The following FAM153A variants were observed in gnomAD, a reference collection of about 807,000 sequenced individuals.
FAM153A encodes protein FAM153A.
FAM153A carries 12 observed loss-of-function variants against 48.1 expected under a neutral mutation model. That is an observed-to-expected ratio of 0.25 (90% CI 0.16 to 0.40). The LOEUF (loss-of-function observed/expected upper bound fraction) is 0.40, where lower values mean the gene tolerates loss of function less well. Ranked by LOEUF, FAM153A falls within the 10% of genes least tolerant of loss-of-function variation. The probability of loss-of-function intolerance (pLI) is 1.00; values close to 1 mark genes in which losing one functional copy is unlikely to be tolerated. For missense variants in FAM153A, 111 were observed against 345.8 expected, an observed-to-expected ratio of 0.32 and a Z score of 5.38; for synonymous variants, 36 against 118.2, an observed-to-expected ratio of 0.30 and a Z score of 4.51.
At chr5:177,741,320 C>A in exon 7 of FAM153A, 1 of 669,750 alleles carries the variant, frequency 1.5e-6, no homozygotes, top group Non-Finnish European at 2.1e-6. Context: ...GCCCAAGGAG[C>A]CTTCGTCACG....
chr5:177,759,253 CA>C (rs1205151030), intron 1 of FAM153A, among the ~76,000 whole-genome samples: 2 of 151,752 alleles, frequency 1.3e-5, no homozygotes, highest in African/African-American at 2.4e-5. Context: ...AAATGCAAAT[CA>C]AAACCACAAT....
upstream of FAM153A, among the ~76,000 whole-genome samples, chr5:177,756,171 G>A (rs1284808876): frequency 2.0e-5 from 3 of 150,486 alleles, no homozygotes. Flanking sequence ...ACAAAAAAAG[G>A]CAGGGGTTGC....
At position 177,776,598 on chromosome 5, in the gene FAM153A, G is replaced by A. The variant is rs75934749; in HGVS notation, c.-57+3851C>T. On this transcript the variant is annotated intron_variant, in intron 1 of 8. Transcript: ENST00000393518. ...TCAAGAACTACAAACCACTGCTCAA[G>A]GAAATAAAAGAGGACACAAACAAAT... 3.7e-5 allele frequency among the ~76,000 whole-genome samples: 3 copies of A among 81,406 alleles called. 1 individual carries two copies. The highest frequency in any genetic ancestry group is 7.3e-5 in the Non-Finnish European group (3 of 41,258). The allele number at this position is 81,406 out of a possible 152,430, so 53.4% of individuals were successfully genotyped here.
At chr5:177,697,809 CT>C in the FAM153A span, among the ~76,000 whole-genome samples, 1,817 of 151,844 alleles carry the variant, frequency 0.012, 24 homozygotes, top group Non-Finnish European at 0.019. Flanking sequence ...GGGCTGGACA[CT>C]TTTCCTACCT....
rs1582372083 is a variant in FAM153A, at chr5:177,734,714, A to G, written c.735+149T>C. Reference sequence around the variant, plus strand: ...CTCCCACTGTCTTAAATCAAGCCTCAGTGGGGACAGACTCTCACTTACCAT... The same window carrying G: ...CTCCCACTGTCTTAAATCAAGCCTCGGTGGGGACAGACTCTCACTTACCAT... On this transcript the variant is annotated intron_variant, in intron 13 of 20. Coordinates refer to ENST00000614127, the Ensembl canonical transcript of FAM153A. The G allele has an allele frequency of 5.0e-6, 6 of 1,199,288 alleles. No homozygotes were observed. In the South Asian group the frequency reaches 6.0e-5, roughly 12 times the overall value. 74.3% of individuals were successfully genotyped at this position (1,199,288 alleles called of 1,614,324 possible). A position where few individuals can be genotyped will look rare whatever the true frequency, so the allele number is the denominator to read the frequency against.
At chr5:177,715,511 G>T (rs1259847839) in intron 25 of FAM153A, among the ~76,000 whole-genome samples, 1 of 151,448 alleles carries the variant, frequency 6.6e-6, no homozygotes, top group South Asian at 2.1e-4. Context: ...CTGACCTACA[G>T]ATAGGAATTT....
chr5:177,728,193 G>C (rs1447780978), intron 18 of FAM153A, among the ~76,000 whole-genome samples: 4 of 102,320 alleles, frequency 3.9e-5, no homozygotes, highest in African/African-American at 1.5e-4. Context: ...TGTGCCTCTT[G>C]CACTTAAAAG....
chr5:177,696,228 T>C, the FAM153A span, among the ~76,000 whole-genome samples: 21 of 101,418 alleles, frequency 2.1e-4, no homozygotes, highest in South Asian at 3.6e-4. Flanking sequence ...AGATGATGGG[T>C]GGCCGGGCAG....
At chr5:177,705,982 AAAG>A (rs1446165700), downstream of FAM153A, among the ~76,000 whole-genome samples, 2 of 151,644 alleles carry the variant, frequency 1.3e-5, no homozygotes, top group African/African-American at 2.4e-5. Flanking sequence ...CAAAGAAACT[AAAG>A]AAGACCTAAG....
chr5:177,756,189 A>G (rs1314130751), upstream of FAM153A, among the ~76,000 whole-genome samples: 6 of 149,560 alleles, frequency 4.0e-5, no homozygotes, highest in African/African-American at 1.0e-4. Flanking sequence ...TGCAATCCTA[A>G]TCTCTGATAA....
intron 26 of FAM153A, among the ~76,000 whole-genome samples, chr5:177,713,440 G>A (rs950645471): frequency 6.6e-6 from 1 of 150,646 alleles, no homozygotes. Flanking sequence ...TGTATTTTTA[G>A]TAGAGATGGG....
chr5:177,697,017 A>G, the FAM153A span, among the ~76,000 whole-genome samples: 1 of 151,946 alleles, frequency 6.6e-6, no homozygotes, highest in East Asian at 1.9e-4. Flanking sequence ...CATTGAAGCT[A>G]TAGATCAATT....
upstream of FAM153A, among the ~76,000 whole-genome samples, chr5:177,757,690 C>A (rs747558815): frequency 1.3e-5 from 2 of 150,894 alleles, no homozygotes; most frequent in African/African-American, 4.9e-5. Flanking sequence ...AATCAATAAA[C>A]GTAATCCAGC....
At chr5:177,707,398 A>G (rs891476627), downstream of FAM153A, among the ~76,000 whole-genome samples, 2 of 151,888 alleles carry the variant, frequency 1.3e-5, no homozygotes, top group Non-Finnish European at 2.9e-5. Flanking sequence ...AATAATGGTA[A>G]TGGTCAGTGA....
At chr5:177,699,856 A>T in the FAM153A span, among the ~76,000 whole-genome samples, 1 of 151,352 alleles carries the variant, frequency 6.6e-6, no homozygotes, top group Non-Finnish European at 1.5e-5. Context: ...AACTCCTTCT[A>T]TGAGGCTAGT....
intron 25 of FAM153A, among the ~76,000 whole-genome samples, chr5:177,715,749 C>A (rs1759601480): frequency 6.6e-6 from 1 of 151,712 alleles, no homozygotes; most frequent in Admixed American, 6.6e-5. Context: ...TGTCATCCAG[C>A]CTGGAGTGCA....
chr5:177,709,698 T>C (rs1226321031), downstream of FAM153A, among the ~76,000 whole-genome samples: 1 of 134,610 alleles, frequency 7.4e-6, no homozygotes, highest in Non-Finnish European at 1.6e-5. Flanking sequence ...TTGACCAAGT[T>C]TTGCTCTTGT....
chr5:177,700,154 T>TA, the FAM153A span, among the ~76,000 whole-genome samples: 1 of 151,848 alleles, frequency 6.6e-6, no homozygotes. Flanking sequence ...AAATTCAAAA[T>TA]AAAAACAATG....
chr5:177,737,286 T>C (rs564498067), intron 10 of FAM153A, among the ~76,000 whole-genome samples, 174 bp from the exon 13 acceptor site: 7 of 151,700 alleles, frequency 4.6e-5, no homozygotes, highest in African/African-American at 9.7e-5. Context: ...AAGGAAGGCA[T>C]CAGGAAGGCC....
Sources: gnomAD v4.1 joint callset for allele counts (sites outside exome capture counted in the v4.1 genomes callset) on GRCh38, gnomAD v4.1.1 for gene constraint, MANE v1.5 for transcripts, NCBI Gene and HGNC (gene_info 2026-07-23, HGNC 2026-07-21) for gene names.